Variants in GAREM1 observed in about 807,000 individuals in gnomAD.
GAREM1 encodes the protein GRB2-associated and regulator of MAPK protein 1.
A neutral mutation model predicts 71.3 loss-of-function variants in GAREM1; 26 were observed. The ratio of observed to expected loss-of-function variants is 0.36; its 90% confidence interval spans 0.27 to 0.51. GAREM1 has a LOEUF of 0.51. GAREM1 is among the 20% of genes least tolerant of loss of function. The probability of loss-of-function intolerance (pLI) is 0.95; values close to 1 mark genes in which losing one functional copy is unlikely to be tolerated. For missense variants in GAREM1, 1,026 were observed against 1,103.1 expected (o/e 0.93, Z 0.99); for synonymous variants, 440 against 433.2 (o/e 1.02, Z -0.20).
chr18:32,448,811 A>C (rs1437480551), intron 1 of GAREM1, among the ~76,000 whole-genome samples: 1 of 152,194 alleles, frequency 6.6e-6, no homozygotes, highest in Non-Finnish European at 1.5e-5. Context: ...AGACTGGGGT[A>C]GGAAGACAAT....
intron 1 of GAREM1, among the ~76,000 whole-genome samples, chr18:32,443,818 C>T (rs2048763458): frequency 6.6e-6 from 1 of 152,122 alleles, no homozygotes; most frequent in South Asian, 2.1e-4. Flanking sequence ...AACTTGTACA[C>T]AGATGTCCAT....
At chr18:32,322,384 C>A (rs189747227) in intron 2 of GAREM1, among the ~76,000 whole-genome samples, 1 of 152,162 alleles carries the variant, frequency 6.6e-6, no homozygotes, top group Non-Finnish European at 1.5e-5. Context: ...CCATCCACAG[C>A]GGACTATAGA....
chr18:32,436,879 CCTTA>C (rs1290557755), intron 1 of GAREM1, among the ~76,000 whole-genome samples: 1 of 152,112 alleles, frequency 6.6e-6, no homozygotes, highest in African/African-American at 2.4e-5. Context: ...ATCCTAACCT[CCTTA>C]CTTACTAGCT....
intron 2 of GAREM1, among the ~76,000 whole-genome samples, chr18:32,362,121 G>A (rs2047871089): frequency 6.6e-6 from 1 of 152,132 alleles, no homozygotes; most frequent in Admixed American, 6.6e-5. Context: ...TTTGTGGCCC[G>A]CACTGCTATG....
At chr18:32,442,641 T>C (rs1367675594) in intron 1 of GAREM1, among the ~76,000 whole-genome samples, 3 of 152,184 alleles carry the variant, frequency 2.0e-5, no homozygotes, top group African/African-American at 7.2e-5. Flanking sequence ...ATATGTATGT[T>C]AACTTTCAGC....
At chr18:32,376,151 G>A (rs2048028813) in intron 2 of GAREM1, among the ~76,000 whole-genome samples, 1 of 152,164 alleles carries the variant, frequency 6.6e-6, no homozygotes, top group Non-Finnish European at 1.5e-5. Context: ...ACTTTTAAAT[G>A]TATAAACAAA....
At position 32,468,815 on chromosome 18, in the gene GAREM1, C is replaced by A. The variant is rs574564389; in HGVS notation, c.121+1493G>T. 9.2e-5 allele frequency among the ~76,000 whole-genome samples: 14 copies of A among 152,224 alleles called. No homozygotes were observed. The South Asian group carries it at 2.9e-3, about 32-fold the overall frequency. ...GGAAAAGGTAAGGACTCACAATCTG[C>A]CAATATACACAATTTTGGAGGAGGA... is the stretch of plus-strand genomic sequence containing the variant. On this transcript the variant is annotated intron_variant, in intron 1 of 5. Coordinates refer to ENST00000269209, the MANE Select transcript of GAREM1 (RefSeq NM_001242409.2).
At chr18:32,371,746 G>A (rs138566485) in intron 2 of GAREM1, among the ~76,000 whole-genome samples, 41 of 152,248 alleles carry the variant, frequency 2.7e-4, no homozygotes, top group African/African-American at 7.2e-4. Context: ...GGGTGGCACC[G>A]AGGGCAGGAG....
In GAREM1 at chr18:32,392,955, T is replaced by C. The variant is rs939610574; in HGVS notation, c.202A>G (p.Ser68Gly). The C allele has an allele frequency of 2.5e-6, 4 of 1,613,914 alleles. No homozygotes were observed. Among genetic ancestry groups the C allele is most frequent in the East Asian group, 4.5e-5 (2 of 44,866 alleles). Reference protein sequence around the residue: ...CRQWTTITAHSLEEGHYVIGP... With the variant: ...CRQWTTITAHGLEEGHYVIGP... ...ATGACATAGTGACCCTCCTCCAAGC[T>C]GTGGGCAGTGATGGTGGTCCACTGG... Residue 68 changes from serine (S) to glycine (G), a missense_variant, in exon 2 of 6, where the codon AGC (serine) becomes GGC (glycine). Physicochemically the swap from Ser to Gly is moderately conservative, Grantham distance 56. Around this residue, in one of 3 missense-constraint regions of GAREM1, gnomAD observed 172 missense variants for 175.2 expected, o/e 0.98. Transcript: ENST00000269209.
At chr18:32,311,547 G>A (rs2047323696) in intron 2 of GAREM1, among the ~76,000 whole-genome samples, 1 of 152,214 alleles carries the variant, frequency 6.6e-6, no homozygotes, top group Non-Finnish European at 1.5e-5. Flanking sequence ...TGTGGGGGAT[G>A]GAGAGTGCAG....
intron 1 of GAREM1, among the ~76,000 whole-genome samples, chr18:32,456,718 C>T (rs2048892562): frequency 6.6e-6 from 1 of 152,030 alleles, no homozygotes; most frequent in African/African-American, 2.4e-5. Context: ...CAGAATTCTA[C>T]AGAAACAATG....
At chr18:32,269,482 G>A (rs1309446568) in intron 5 of GAREM1, among the ~76,000 whole-genome samples, 2 of 152,118 alleles carry the variant, frequency 1.3e-5, no homozygotes, top group Non-Finnish European at 2.9e-5. Context: ...CAGTGATGTC[G>A]GGGAAACAGT....
chr18:32,358,596 A>T (rs1256248171), intron 2 of GAREM1, among the ~76,000 whole-genome samples: 1 of 152,124 alleles, frequency 6.6e-6, no homozygotes, highest in East Asian at 1.9e-4. Context: ...CTTTTCCCAC[A>T]CCAAATGTCT....
rs187190083 is a variant in GAREM1, at chr18:32,372,119, T to C, written c.262+20776A>G. Among the ~76,000 whole-genome samples, 297 of 152,322 alleles carry C rather than the reference T, an allele frequency of 1.9e-3. 2 individuals are homozygous for C. The highest frequency in any genetic ancestry group is 0.014 in the Middle Eastern group (4 of 294). The stretch of plus-strand genomic sequence containing the variant: ...CTTTTTAAATTAATTGAAATTTCAC[T>C]ACCTACAGATAACCAACACTGACAT... On this transcript the variant is annotated intron_variant, in intron 2 of 5. Coordinates refer to ENST00000269209, the MANE Select transcript of GAREM1 (RefSeq NM_001242409.2).
At chr18:32,408,134 A>G in intron 1 of GAREM1, among the ~76,000 whole-genome samples, 1 of 152,132 alleles carries the variant, frequency 6.6e-6, no homozygotes, top group East Asian at 1.9e-4. Flanking sequence ...GTATTTATCA[A>G]TATTATGCTT....
chr18:32,410,423 A>G (rs1199554227), intron 1 of GAREM1, among the ~76,000 whole-genome samples: 1 of 152,160 alleles, frequency 6.6e-6, no homozygotes, highest in Admixed American at 6.5e-5. Flanking sequence ...ATCATAGCTC[A>G]ATGCAGCCAT....
rs1229351256 is a variant in GAREM1, at chr18:32,308,991, T to G, written c.393+1202A>C. 2.7e-5 allele frequency among the ~76,000 whole-genome samples: 4 copies of G among 150,058 alleles called. 1 individual carries two copies. The highest frequency in any genetic ancestry group is 9.9e-5 in the African/African-American group (4 of 40,460). On this transcript the variant is annotated intron_variant, in intron 3 of 5. Transcript: ENST00000269209. The stretch of plus-strand genomic sequence containing the variant: ...ATCCACAAAGACACTGCTGCATTCT[T>G]GGGCCAAGACACCATGTAGTCTGTT...
chr18:32,282,822 T>C (rs546379438), intron 4 of GAREM1, among the ~76,000 whole-genome samples: 1 of 152,326 alleles, frequency 6.6e-6, no homozygotes, highest in East Asian at 1.9e-4. Context: ...CCAGCATTGC[T>C]CTCCAAAATG....
chr18:32,265,186 C>T lies in GAREM1; in HGVS notation c.*2685G>A, dbSNP rs1263049445. 1 of 151,902 alleles carries T rather than the reference C, an allele frequency of 6.6e-6. No individual in the cohort carries two copies. The highest frequency in any genetic ancestry group is 2.4e-5 in the African/African-American group (1 of 41,348). The allele number at this position is 151,902 out of a possible 1,614,324, so 9.4% of individuals were successfully genotyped here. A position where few individuals can be genotyped will look rare whatever the true frequency, so the allele number is the denominator to read the frequency against. On this transcript the variant is annotated 3_prime_UTR_variant, in exon 6 of 6. Coordinates refer to ENST00000269209, the MANE Select transcript of GAREM1 (RefSeq NM_001242409.2). ...AGACAGGTGCTCAGCTTAGGAATGG[C>T]AATTTCATTTATTTGTGGCATTTAT...
Sources: allele counts gnomAD v4.1 joint callset (sites outside exome capture counted in the v4.1 genomes callset), GRCh38; gene constraint gnomAD v4.1.1; regional missense constraint gnomAD v4.1.1; transcripts MANE v1.5; gene names NCBI Gene and HGNC (gene_info 2026-07-23, HGNC 2026-07-21).